Variants in SAMMSON observed in about 807,000 individuals in gnomAD.
SAMMSON encodes the protein long intergenic non-protein coding RNA 1212.
chr3:70,337,148 TTAA>T (rs1348617789), intron 7 of SAMMSON, among the ~76,000 whole-genome samples: 6 of 68,906 alleles, frequency 8.7e-5, no homozygotes, highest in Non-Finnish European at 1.4e-4. Flanking sequence ...AATATTATTA[TTAA>T]TAATAATATC....
intron 4 of SAMMSON, among the ~76,000 whole-genome samples, chr3:70,087,423 C>T (rs2067289652): frequency 6.6e-6 from 1 of 152,140 alleles, no homozygotes. Flanking sequence ...GGGTCTCAGC[C>T]TGAGACCTTT....
chr3:70,247,910 A>G (rs1701723545), intron 4 of SAMMSON, among the ~76,000 whole-genome samples: 1 of 152,128 alleles, frequency 6.6e-6, no homozygotes, highest in Admixed American at 6.6e-5. Context: ...TTTCTGTAGT[A>G]AAGAGATGTG....
At chr3:70,241,573 T>C (rs958087722) in intron 4 of SAMMSON, among the ~76,000 whole-genome samples, 3 of 152,164 alleles carry the variant, frequency 2.0e-5, no homozygotes, top group Non-Finnish European at 4.4e-5. Flanking sequence ...TGTTAGTATT[T>C]TTCTCATTTT....
intron 3 of SAMMSON, among the ~76,000 whole-genome samples, chr3:70,059,015 C>T (rs1306573388): frequency 6.6e-6 from 1 of 151,982 alleles, no homozygotes; most frequent in Non-Finnish European, 1.5e-5. Context: ...GCTAGTTGAC[C>T]TGTTTAAGTT....
At chr3:70,182,908 G>C (rs796500445) in intron 4 of SAMMSON, among the ~76,000 whole-genome samples, 7 of 75,652 alleles carry the variant, frequency 9.3e-5, no homozygotes, top group African/African-American at 2.5e-4. Flanking sequence ...TGACTAATTG[G>C]ATTTTTTTTG....
chr3:70,035,394 A>G (rs1414598681), intron 3 of SAMMSON, among the ~76,000 whole-genome samples: 2 of 152,158 alleles, frequency 1.3e-5, no homozygotes, highest in African/African-American at 4.8e-5. Context: ...TACCCAGATA[A>G]TCTTCCTACC....
At chr3:70,105,697 T>C (rs1371704043) in intron 4 of SAMMSON, among the ~76,000 whole-genome samples, 3 of 152,148 alleles carry the variant, frequency 2.0e-5, no homozygotes, top group Non-Finnish European at 4.4e-5. Context: ...AAAAAGCAAA[T>C]TTTTAGCTAT....
downstream of SAMMSON, among the ~76,000 whole-genome samples, chr3:70,392,922 G>A (rs9844328): frequency 3.3e-5 from 5 of 152,036 alleles, no homozygotes; most frequent in African/African-American, 1.2e-4. Flanking sequence ...CAGAGAAAAA[G>A]AAGTTTTGGA....
At chr3:70,162,213 T>G (rs559516717) in intron 4 of SAMMSON, among the ~76,000 whole-genome samples, 1 of 152,012 alleles carries the variant, frequency 6.6e-6, no homozygotes, top group South Asian at 2.1e-4. Flanking sequence ...TCAAGGATCT[T>G]AAGATGTAAG....
intron 4 of SAMMSON, among the ~76,000 whole-genome samples, chr3:70,198,885 G>C (rs550012197): frequency 6.6e-6 from 1 of 152,108 alleles, no homozygotes; most frequent in Admixed American, 6.6e-5. Flanking sequence ...AAATGCAAGA[G>C]TAAGTTAGTA....
chr3:70,240,746 C>T (rs911128538), intron 4 of SAMMSON, among the ~76,000 whole-genome samples: 3 of 152,030 alleles, frequency 2.0e-5, no homozygotes, highest in South Asian at 4.1e-4. Flanking sequence ...TTATTCTGCA[C>T]GAGAAGACAG....
intron 1 of SAMMSON, among the ~76,000 whole-genome samples, chr3:70,005,864 A>T (rs749632085): frequency 6.6e-6 from 1 of 152,190 alleles, no homozygotes; most frequent in Non-Finnish European, 1.5e-5. Context: ...TTCCTTATTG[A>T]CTAAAGATAG....
chr3:70,114,393 T>G (rs1490588182), intron 4 of SAMMSON, among the ~76,000 whole-genome samples: 3 of 152,198 alleles, frequency 2.0e-5, no homozygotes, highest in Non-Finnish European at 4.4e-5. Flanking sequence ...CAACGAAATC[T>G]CTTTGTCGAC....
chr3:70,251,519 T>C (rs1701767827), intron 6 of SAMMSON, among the ~76,000 whole-genome samples: 1 of 152,244 alleles, frequency 6.6e-6, no homozygotes, highest in African/African-American at 2.4e-5. Context: ...TTTATAGGCA[T>C]AGCCTTGCTC....
chr3:70,236,412 A>G (rs1701609506), intron 4 of SAMMSON, among the ~76,000 whole-genome samples: 1 of 152,184 alleles, frequency 6.6e-6, no homozygotes, highest in East Asian at 1.9e-4. Context: ...TGGCCTCTAA[A>G]GAGTTCTACC....
In SAMMSON at chr3:70,162,324, G is replaced by C. The variant is rs531053917; in HGVS notation, n.508-86783G>C. Among the ~76,000 whole-genome samples, 18 of 151,628 alleles carry C rather than the reference G, an allele frequency of 1.2e-4. No individual in the cohort carries two copies. In the South Asian group the frequency reaches 3.5e-3, roughly 30 times the overall value. ...GGTTTAGGTGAAACCCACAAATTTT[G>C]GTATATGTATTTTCATTTTCATTCT... On this transcript the variant is annotated intron_variant and non_coding_transcript_variant, in intron 4 of 9. Transcript: ENST00000642114.
chr3:70,173,785 A>T (rs1700981309), intron 4 of SAMMSON, among the ~76,000 whole-genome samples: 1 of 151,966 alleles, frequency 6.6e-6, no homozygotes, highest in Non-Finnish European at 1.5e-5. Flanking sequence ...AGAGAATAAA[A>T]CAGTACTAGC....
chr3:70,195,903 A>T (rs1444677022), intron 4 of SAMMSON, among the ~76,000 whole-genome samples: 2 of 152,150 alleles, frequency 1.3e-5, no homozygotes, highest in Non-Finnish European at 2.9e-5. Flanking sequence ...TCTTTTTCTT[A>T]AAAAAATAAG....
intron 9 of SAMMSON, among the ~76,000 whole-genome samples, chr3:70,381,475 G>A (rs1380117601): frequency 6.6e-6 from 1 of 152,184 alleles, no homozygotes; most frequent in Non-Finnish European, 1.5e-5. Context: ...GGGCCAATTT[G>A]TAACTTTACA....
Sources: allele counts gnomAD v4.1 joint callset (sites outside exome capture counted in the v4.1 genomes callset), GRCh38; gene constraint gnomAD v4.1.1; transcripts MANE v1.5; gene names NCBI Gene and HGNC (gene_info 2026-07-23, HGNC 2026-07-21).